The following ADK variants were observed in gnomAD, a reference collection of about 807,000 sequenced individuals.
ADK encodes the protein N6,N6-dimethyladenosine kinase.
In ADK, 24 loss-of-function variants were observed where a neutral mutation model predicts 44.7. The observed-to-expected ratio is 0.54, with a 90% CI of 0.39 to 0.76. The LOEUF (loss-of-function observed/expected upper bound fraction) is 0.76, where lower values mean the gene tolerates loss of function less well. Ranked by LOEUF, ADK falls within the 30% of genes least tolerant of loss-of-function variation. ADK has a pLI of 0.00. For synonymous variants in ADK, 128 were observed against 142.6 expected (o/e 0.90, Z 0.73); for missense variants, 321 against 425.1 (o/e 0.76, Z 2.15).
intron 1 of ADK, among the ~76,000 whole-genome samples, chr10:74,173,509 C>T (rs1441545747): frequency 6.6e-6 from 1 of 151,206 alleles, no homozygotes; most frequent in African/African-American, 2.4e-5. Context: ...CAGCTCACTG[C>T]AACCTCTGCC....
intron 4 of ADK, among the ~76,000 whole-genome samples, chr10:74,354,510 C>T (rs1842071782): frequency 6.6e-6 from 1 of 152,084 alleles, no homozygotes; most frequent in African/African-American, 2.4e-5. Context: ...TGGAATACTG[C>T]TTAAGGAAAC....
intron 7 of ADK, among the ~76,000 whole-genome samples, chr10:74,565,085 T>A (rs1292581740): frequency 6.6e-6 from 1 of 152,224 alleles, no homozygotes; most frequent in Non-Finnish European, 1.5e-5. Context: ...AATTGCTAAG[T>A]ATTAGTAACA....
intron 9 of ADK, among the ~76,000 whole-genome samples, chr10:74,649,866 G>A (rs979224023): frequency 6.6e-6 from 1 of 152,186 alleles, no homozygotes. Flanking sequence ...ATGAATACTT[G>A]TCCCCATGAC....
intron 4 of ADK, among the ~76,000 whole-genome samples, chr10:74,370,083 A>G (rs1842612353): frequency 6.6e-6 from 1 of 152,184 alleles, no homozygotes; most frequent in African/African-American, 2.4e-5. Flanking sequence ...GATCTGGAAG[A>G]CCTTTACTCT....
chr10:74,597,089 C>T (rs1851951901), intron 8 of ADK, among the ~76,000 whole-genome samples: 1 of 152,118 alleles, frequency 6.6e-6, no homozygotes, highest in South Asian at 2.1e-4. Context: ...GAAGCCCTTT[C>T]TAGCGATTTT....
rs952822551 is a variant in ADK at position 74,258,423 on chromosome 10, T to G, written c.194+33832T>G. Among the ~76,000 whole-genome samples the G allele has an allele frequency of 7.9e-5, 12 of 152,166 alleles. No homozygotes were observed. In the East Asian group the frequency reaches 2.3e-3, roughly 29 times the overall value. On this transcript the variant is annotated intron_variant, in intron 3 of 10. Transcript: ENST00000539909. ...TGTATCTTTGATCTTAATTTAAAGT[T>G]TTGATGAACTTGTTGCTTCTATTTT...
chr10:74,198,636 G>T (rs1381828205), intron 1 of ADK, among the ~76,000 whole-genome samples: 2 of 152,120 alleles, frequency 1.3e-5, no homozygotes, highest in African/African-American at 4.8e-5. Context: ...AATCTTTTTG[G>T]ATAAACTAGA....
At chr10:74,382,059 C>T (rs2132007974) in intron 4 of ADK, among the ~76,000 whole-genome samples, 1 of 152,164 alleles carries the variant, frequency 6.6e-6, no homozygotes, top group Middle Eastern at 3.4e-3. Context: ...GTCTAAAGAT[C>T]ACTGTGGTGT....
At chr10:74,305,158 A>C (rs1840201092) in intron 3 of ADK, among the ~76,000 whole-genome samples, 1 of 151,934 alleles carries the variant, frequency 6.6e-6, no homozygotes, top group Non-Finnish European at 1.5e-5. Context: ...AAGGAAAAAC[A>C]CTCTTTACAT....
intron 7 of ADK, among the ~76,000 whole-genome samples, chr10:74,570,382 A>G (rs369595594): frequency 3.9e-5 from 6 of 152,122 alleles, no homozygotes; most frequent in Admixed American, 3.9e-4. Flanking sequence ...CCATTTTCAC[A>G]ATATTGATTC....
At chr10:74,235,102 G>A (rs1844908906) in intron 3 of ADK, among the ~76,000 whole-genome samples, 1 of 146,490 alleles carries the variant, frequency 6.8e-6, no homozygotes, top group Admixed American at 6.8e-5. Context: ...AAATTTTGAC[G>A]TTTAGCTGGA....
chr10:74,473,071 C>T (rs1379840813), intron 6 of ADK, among the ~76,000 whole-genome samples: 3 of 151,992 alleles, frequency 2.0e-5, no homozygotes, highest in South Asian at 2.1e-4. Context: ...CTCACCGCAA[C>T]CTTGAACTAC....
intron 6 of ADK, among the ~76,000 whole-genome samples, chr10:74,441,268 A>G (rs911847803): frequency 2.6e-5 from 4 of 152,244 alleles, no homozygotes; most frequent in African/African-American, 9.6e-5. Flanking sequence ...AAGAAGACAT[A>G]ATACCAAGTG....
At chr10:74,430,697 A>G (rs1592202978) in intron 6 of ADK, among the ~76,000 whole-genome samples, 1 of 152,072 alleles carries the variant, frequency 6.6e-6, no homozygotes, top group Non-Finnish European at 1.5e-5. Context: ...AATATATAGT[A>G]GGGAATAAAT....
intron 10 of ADK, among the ~76,000 whole-genome samples, chr10:74,699,779 T>C (rs1382799760): frequency 1.3e-5 from 2 of 152,166 alleles, no homozygotes; most frequent in Admixed American, 6.5e-5. Context: ...TTTAAAGATA[T>C]ATAAAAAGAT....
chr10:74,345,320 C>G (rs1841728287), intron 4 of ADK, among the ~76,000 whole-genome samples: 1 of 148,476 alleles, frequency 6.7e-6, no homozygotes, highest in African/African-American at 2.5e-5. Context: ...TTTTTTTTTC[C>G]CAGACAGGGT....
chr10:74,589,711 T>C (rs1851651042), intron 8 of ADK, among the ~76,000 whole-genome samples: 1 of 152,182 alleles, frequency 6.6e-6, no homozygotes, highest in South Asian at 2.1e-4. Flanking sequence ...AATAATGAAA[T>C]ATAATGTCGT....
chr10:74,510,638 G>C (rs939381072), intron 6 of ADK, among the ~76,000 whole-genome samples: 5 of 152,096 alleles, frequency 3.3e-5, no homozygotes, highest in African/African-American at 1.2e-4. Context: ...TATTTTTCCA[G>C]ATCAATGTCC....
chr10:74,601,056 A>ATTGGTT (rs1424980808), intron 9 of ADK, among the ~76,000 whole-genome samples: 1 of 152,038 alleles, frequency 6.6e-6, no homozygotes, highest in Non-Finnish European at 1.5e-5. Context: ...TACCATTCAG[A>ATTGGTT]TTAAAACCAA....
Sources: allele counts gnomAD v4.1 joint callset (sites outside exome capture counted in the v4.1 genomes callset), GRCh38; gene constraint gnomAD v4.1.1; transcripts MANE v1.5; gene names NCBI Gene and HGNC (gene_info 2026-07-23, HGNC 2026-07-21).